CNTNAP4: variants seen among roughly 807,000 people sequenced by gnomAD.
CNTNAP4 encodes the protein contactin associated protein family member 4, also known as contactin-associated protein-like 4.
A neutral mutation model predicts 148.4 loss-of-function variants in CNTNAP4; 98 were observed. The observed-to-expected ratio is 0.66, with a 90% CI of 0.56 to 0.78. The LOEUF is 0.78. CNTNAP4 is among the 30% of genes least tolerant of loss of function. The pLI is 0.00. For missense variants in CNTNAP4, 1,935 were observed against 1,565.6 expected (o/e 1.24, Z -3.98); for synonymous variants, 730 against 565.1 (o/e 1.29, Z -4.14).
rs141620420 is a variant in CNTNAP4 at position 76,480,889 on chromosome 16, A to G, written c.1882+1351A>G. On this transcript the variant is annotated intron_variant, in intron 12 of 23. Coordinates refer to ENST00000611870, the MANE Select transcript of CNTNAP4 (RefSeq NM_033401.5). The stretch of plus-strand genomic sequence containing the variant: ...GGTGTGATTATTTTGGTGAAAATCA[A>G]CAAGCATATTCTAAAATTATGAGTA... Among the ~76,000 whole-genome samples the G allele has an allele frequency of 1.5e-4, 23 of 152,358 alleles. No individual in the cohort carries two copies. The East Asian group carries it at 4.4e-3, about 29-fold the overall frequency.
chr16:76,438,409 G>A (rs2079913498), intron 4 of CNTNAP4, among the ~76,000 whole-genome samples: 1 of 152,070 alleles, frequency 6.6e-6, no homozygotes, highest in African/African-American at 2.4e-5. Context: ...TAAACACCTT[G>A]GAGTTTTACT....
chr16:76,420,858 C>G (rs1454032339), intron 3 of CNTNAP4, among the ~76,000 whole-genome samples: 4 of 151,068 alleles, frequency 2.6e-5, no homozygotes, highest in African/African-American at 4.9e-5. Context: ...TTTTTTTATT[C>G]CAAAAGGAGG....
intron 4 of CNTNAP4, among the ~76,000 whole-genome samples, chr16:76,438,250 T>C (rs1182407463): frequency 6.6e-6 from 1 of 152,102 alleles, no homozygotes; most frequent in African/African-American, 2.4e-5. Flanking sequence ...TGGCCAATTC[T>C]TGTAACTCAC....
intron 1 of CNTNAP4, among the ~76,000 whole-genome samples, chr16:76,312,096 T>G (rs6564315): frequency 0.36 from 55,074 of 151,954 alleles, 10,777 homozygotes; most frequent in African/African-American, 0.48. Context: ...AGACTAGTTT[T>G]CTGAGTTGCT....
In CNTNAP4 at chr16:76,535,551, C is replaced by G. The variant is rs536912652; in HGVS notation, c.2762C>G (p.Thr921Arg). 1 of 1,611,862 alleles carries G rather than the reference C, an allele frequency of 6.2e-7. No individual in the cohort carries two copies. The highest frequency in any genetic ancestry group is 8.5e-7 in the Non-Finnish European group (1 of 1,179,752). The stretch of plus-strand genomic sequence containing the variant: ...TGCAGTATTTCCCTTTTAGGTGGAA[C>G]GGCCACCAGACAGAGAGGCTTTCTG... ...QLNSQLFVGG[T>R]ATRQRGFLGC... Residue 921 changes from threonine (T) to arginine (R), a missense_variant, in exon 18 of 24, where the codon ACG (threonine) becomes AGG (arginine). Thr to Arg is a moderately conservative substitution (Grantham distance 71). Transcript: ENST00000611870.
At chr16:76,474,975 C>T (rs1030713739) in intron 10 of CNTNAP4, among the ~76,000 whole-genome samples, 19 of 152,134 alleles carry the variant, frequency 1.2e-4, no homozygotes, top group African/African-American at 4.6e-4. Context: ...TTGAACACGG[C>T]ACCGTTTCTC....
intron 21 of CNTNAP4, among the ~76,000 whole-genome samples, chr16:76,541,811 A>G (rs2084469003): frequency 6.6e-6 from 1 of 152,196 alleles, no homozygotes; most frequent in African/African-American, 2.4e-5. Flanking sequence ...CCAAACAAAC[A>G]GGGGAAATAC....
At chr16:76,325,295 T>C (rs999642866) in intron 2 of CNTNAP4, among the ~76,000 whole-genome samples, 1 of 152,196 alleles carries the variant, frequency 6.6e-6, no homozygotes, top group Admixed American at 6.5e-5. Flanking sequence ...GTGTGTAATG[T>C]ATATTTATAT....
chr16:76,451,007 C>G (rs754239493), intron 7 of CNTNAP4, among the ~76,000 whole-genome samples: 26 of 152,158 alleles, frequency 1.7e-4, no homozygotes, highest in Non-Finnish European at 3.2e-4. Flanking sequence ...TTGAAGAGAA[C>G]TTTGGCAGTT....
At chr16:76,441,073 C>T (rs7201358) in intron 4 of CNTNAP4, among the ~76,000 whole-genome samples, 2,065 of 152,154 alleles carry the variant, frequency 0.014, 50 homozygotes, top group African/African-American at 0.047. Context: ...GAGGCTACAG[C>T]GGATCAACTC....
chr16:76,445,211 G>C (rs1326912420), intron 4 of CNTNAP4, among the ~76,000 whole-genome samples: 1 of 152,140 alleles, frequency 6.6e-6, no homozygotes, highest in Non-Finnish European at 1.5e-5. Context: ...CCTGTTTCTA[G>C]ACCTGAGAAC....
At chr16:76,290,998 C>A (rs8047479) in intron 1 of CNTNAP4, among the ~76,000 whole-genome samples, 1 of 151,938 alleles carries the variant, frequency 6.6e-6, no homozygotes, top group African/African-American at 2.4e-5. Flanking sequence ...GTCTCTTACT[C>A]TTCTTATAAG....
chr16:76,499,699 C>A (rs2082548535), intron 15 of CNTNAP4, among the ~76,000 whole-genome samples: 1 of 149,072 alleles, frequency 6.7e-6, no homozygotes, highest in Non-Finnish European at 1.5e-5. Context: ...AGGCAGAGGG[C>A]CCTGCTGCCT....
intron 7 of CNTNAP4, among the ~76,000 whole-genome samples, chr16:76,451,599 ATG>A (rs71134761): frequency 0.021 from 3,015 of 141,290 alleles, 50 homozygotes; most frequent in Middle Eastern, 0.039. Flanking sequence ...TTTTAGATAG[ATG>A]TGTGTGTGTG....
intron 2 of CNTNAP4, among the ~76,000 whole-genome samples, chr16:76,346,706 GGT>G (rs1964930787): frequency 6.6e-6 from 1 of 152,074 alleles, no homozygotes; most frequent in Non-Finnish European, 1.5e-5. Flanking sequence ...ACCTATCTGT[GGT>G]AAAAACAAAA....
chr16:76,405,622 A>G (rs1309686924), intron 3 of CNTNAP4, among the ~76,000 whole-genome samples: 1 of 152,162 alleles, frequency 6.6e-6, no homozygotes, highest in Non-Finnish European at 1.5e-5. Context: ...GAGTCATCAT[A>G]GAATCTTCAT....
At chr16:76,352,211 T>A (rs761196740) in intron 2 of CNTNAP4, among the ~76,000 whole-genome samples, 6 of 152,130 alleles carry the variant, frequency 3.9e-5, no homozygotes, top group Non-Finnish European at 8.8e-5. Flanking sequence ...GATGCTTGAT[T>A]AGTACCAGAC....
intron 3 of CNTNAP4, among the ~76,000 whole-genome samples, chr16:76,419,011 T>C (rs1045081959): frequency 6.6e-6 from 1 of 152,004 alleles, no homozygotes; most frequent in African/African-American, 2.4e-5. Context: ...TCCAGTATTA[T>C]TGCACTGGAC....
intron 2 of CNTNAP4, among the ~76,000 whole-genome samples, chr16:76,343,053 A>G (rs750525148): frequency 6.6e-6 from 1 of 151,900 alleles, no homozygotes; most frequent in Non-Finnish European, 1.5e-5. Flanking sequence ...TAAGATTCAT[A>G]GTATTGCCAG....
Sources: allele counts gnomAD v4.1 joint callset (sites outside exome capture counted in the v4.1 genomes callset), GRCh38; gene constraint gnomAD v4.1.1; transcripts MANE v1.5; gene names NCBI Gene and HGNC (gene_info 2026-07-23, HGNC 2026-07-21).